The following SMAP1 variants were observed in gnomAD, a reference collection of about 807,000 sequenced individuals.
SMAP1 encodes the protein stromal membrane-associated protein 1.
SMAP1 carries 24 observed loss-of-function variants against 58.5 expected under a neutral mutation model. The observed-to-expected ratio is 0.41, with a 90% CI of 0.30 to 0.58. SMAP1 has a LOEUF of 0.58. Among genes scored for constraint, SMAP1 ranks in the 20% least tolerant of loss-of-function variants. SMAP1 has a pLI of 0.29. For synonymous variants in SMAP1, 216 were observed against 196.6 expected (o/e 1.10, Z -0.82); for missense variants, 563 against 566.3 (o/e 0.99, Z 0.06).
At chr6:70,759,210 A>T (rs1766645732) in intron 3 of SMAP1, among the ~76,000 whole-genome samples, 2 of 152,096 alleles carry the variant, frequency 1.3e-5, no homozygotes, top group Non-Finnish European at 2.9e-5. Flanking sequence ...CCCAGCATAC[A>T]AATCAGCATT....
chr6:70,736,989 C>T (rs1765642396), intron 2 of SMAP1, among the ~76,000 whole-genome samples: 1 of 152,218 alleles, frequency 6.6e-6, no homozygotes, highest in Non-Finnish European at 1.5e-5. Context: ...TGTTCCTCTG[C>T]CTTCTGGCTT....
chr6:70,701,788 C>T lies in SMAP1; in HGVS notation c.119-30590C>T, dbSNP rs140429337. Among the ~76,000 whole-genome samples, 247 of 152,230 alleles carry T rather than the reference C, an allele frequency of 1.6e-3. 1 individual carries two copies. The highest frequency in any genetic ancestry group is 6.8e-3 in the Middle Eastern group (2 of 294). On this transcript the variant is annotated intron_variant, in intron 1 of 10. Coordinates refer to ENST00000370455, the MANE Select transcript of SMAP1 (RefSeq NM_001044305.3). ...ATTGTCTTCCCTAACCTCTTCAGTG[C>T]CCCTTTTCTCAATATGATATTAAAA...
At chr6:70,708,536 T>C (rs1220890211) in intron 1 of SMAP1, among the ~76,000 whole-genome samples, 3 of 152,352 alleles carry the variant, frequency 2.0e-5, no homozygotes, top group East Asian at 1.9e-4. Flanking sequence ...TTGAAGAATC[T>C]GCATACTCCT....
chr6:70,697,142 A>G (rs1021621744), intron 1 of SMAP1, among the ~76,000 whole-genome samples: 2 of 152,012 alleles, frequency 1.3e-5, no homozygotes, highest in African/African-American at 4.8e-5. Flanking sequence ...TGTTTCTTGT[A>G]GGTAACAGTT....
intron 1 of SMAP1, among the ~76,000 whole-genome samples, chr6:70,716,604 C>T (rs1486554120): frequency 2.0e-5 from 3 of 152,112 alleles, no homozygotes; most frequent in Admixed American, 2.0e-4. Flanking sequence ...TTTCCAGTGA[C>T]CTGTCTTGGA....
intron 6 of SMAP1, among the ~76,000 whole-genome samples, chr6:70,833,744 T>C (rs1480371005): frequency 6.6e-6 from 1 of 152,196 alleles, no homozygotes; most frequent in Non-Finnish European, 1.5e-5. Context: ...TTACCTTTCT[T>C]TTATGCAGTC....
intron 1 of SMAP1, among the ~76,000 whole-genome samples, chr6:70,697,852 C>T (rs1176506955): frequency 6.6e-6 from 1 of 152,140 alleles, no homozygotes; most frequent in African/African-American, 2.4e-5. Flanking sequence ...TTATTTCTAT[C>T]TTATTGTATT....
At chr6:70,770,197 C>T (rs1767212900) in intron 3 of SMAP1, among the ~76,000 whole-genome samples, 1 of 151,634 alleles carries the variant, frequency 6.6e-6, no homozygotes, top group Non-Finnish European at 1.5e-5. Context: ...TCCTGCATTT[C>T]AACCTTGGTG....
At chr6:70,834,474 C>T (rs993716353) in intron 6 of SMAP1, among the ~76,000 whole-genome samples, 9 of 151,632 alleles carry the variant, frequency 5.9e-5, no homozygotes, top group African/African-American at 1.9e-4. Context: ...AGTTAATTTG[C>T]GGAATGAAAG....
intron 1 of SMAP1, among the ~76,000 whole-genome samples, chr6:70,706,138 G>T (rs184341900): frequency 4.6e-5 from 7 of 152,258 alleles, no homozygotes; most frequent in Admixed American, 2.6e-4. Flanking sequence ...TTATCATTCT[G>T]TTCCTATTTT....
chr6:70,784,801 A>G (rs1767930314), intron 4 of SMAP1, among the ~76,000 whole-genome samples: 1 of 152,206 alleles, frequency 6.6e-6, no homozygotes, highest in Non-Finnish European at 1.5e-5. Flanking sequence ...AGATTCATAA[A>G]GCAAGTCCTG....
chr6:70,747,408 T>A (rs1231584607), intron 2 of SMAP1, among the ~76,000 whole-genome samples: 1 of 152,128 alleles, frequency 6.6e-6, no homozygotes, highest in Admixed American at 6.6e-5. Context: ...GTTATATGTG[T>A]CAGAGGAGGT....
chr6:70,773,791 G>T (rs923727001), intron 4 of SMAP1, among the ~76,000 whole-genome samples: 1 of 152,122 alleles, frequency 6.6e-6, no homozygotes, highest in African/African-American at 2.4e-5. Context: ...GCTTTCTTTG[G>T]TTGGTCCATT....
chr6:70,735,516 T>C (rs1338445558), intron 2 of SMAP1, among the ~76,000 whole-genome samples: 1 of 152,194 alleles, frequency 6.6e-6, no homozygotes, highest in Non-Finnish European at 1.5e-5. Context: ...GGTGGCTCAC[T>C]CCTGTAATCC....
At chr6:70,807,469 A>G (rs1769184958) in intron 6 of SMAP1, among the ~76,000 whole-genome samples, 1 of 152,212 alleles carries the variant, frequency 6.6e-6, no homozygotes, top group East Asian at 1.9e-4. Context: ...CATTCACTGG[A>G]CATTTCTATT....
chr6:70,709,501 A>T (rs974209091), intron 1 of SMAP1, among the ~76,000 whole-genome samples: 3 of 151,900 alleles, frequency 2.0e-5, no homozygotes, highest in Non-Finnish European at 4.4e-5. Flanking sequence ...TAATTTTTAA[A>T]TTTTTTGTAG....
chr6:70,731,745 GCAGT>G (rs1765439982), intron 1 of SMAP1, among the ~76,000 whole-genome samples: 1 of 152,184 alleles, frequency 6.6e-6, no homozygotes, highest in Non-Finnish European at 1.5e-5. Flanking sequence ...GCTTTTTGAA[GCAGT>G]CCTTGTTTCC....
intron 2 of SMAP1, among the ~76,000 whole-genome samples, chr6:70,739,025 TA>T (rs757900407): frequency 1.6e-4 from 25 of 152,204 alleles, no homozygotes; most frequent in Non-Finnish European, 2.9e-4. Flanking sequence ...ATTTGTGTGG[TA>T]CCTCTGCTAT....
rs1218454835 is a variant in SMAP1, at chr6:70,769,915, G to A, written c.339-3435G>A. ...CCGGTTGTTCCTTTCCATGTTTAGTGCTTCCTTCAGGAGCTCTCTTAGGGC... is the reference window on the plus strand; with the variant it reads ...CCGGTTGTTCCTTTCCATGTTTAGTACTTCCTTCAGGAGCTCTCTTAGGGC... On this transcript the variant is annotated intron_variant, in intron 3 of 10. Coordinates refer to ENST00000370455, the MANE Select transcript of SMAP1 (RefSeq NM_001044305.3). 2.6e-5 allele frequency among the ~76,000 whole-genome samples: 4 copies of A among 151,618 alleles called. No individual in the cohort carries two copies. In the South Asian group the frequency reaches 6.3e-4, roughly 24 times the overall value.
Sources: gnomAD v4.1 joint callset for allele counts (sites outside exome capture counted in the v4.1 genomes callset) on GRCh38, gnomAD v4.1.1 for gene constraint, MANE v1.5 for transcripts, NCBI Gene and HGNC (gene_info 2026-07-23, HGNC 2026-07-21) for gene names.